ME3: variants seen among roughly 807,000 people sequenced by gnomAD.
The protein encoded by ME3 is malic enzyme 3, also known as NADP-dependent malic enzyme, mitochondrial.
A neutral mutation model predicts 68.9 loss-of-function variants in ME3; 48 were observed. The observed-to-expected ratio is 0.70, with a 90% CI of 0.55 to 0.89. The LOEUF (loss-of-function observed/expected upper bound fraction) is 0.89. Ranked by LOEUF, ME3 falls within the 40% of genes least tolerant of loss-of-function variation. The probability of loss-of-function intolerance (pLI) is 0.00; values close to 1 mark genes in which losing one functional copy is unlikely to be tolerated. For synonymous variants in ME3, 320 were observed against 318.8 expected (o/e 1.00, Z -0.04); for missense variants, 675 against 797.4 (o/e 0.85, Z 1.85).
At chr11:86,556,601 G>A (rs777411773) in exon 4 of ME3, 4 of 1,614,138 alleles carry the variant, frequency 2.5e-6, no homozygotes, top group Admixed American at 1.7e-5. Context: ...CAGCCCCACG[G>A]TAGGCGTGTA....
intron 2 of ME3, among the ~76,000 whole-genome samples, chr11:86,653,000 G>T (rs1945571166): frequency 6.6e-6 from 1 of 151,622 alleles, no homozygotes; most frequent in South Asian, 2.1e-4. Context: ...GACAAAGAAG[G>T]CCATTACATA....
intron 8 of ME3, among the ~76,000 whole-genome samples, chr11:86,459,473 C>G (rs1004931377): frequency 4.6e-5 from 7 of 152,174 alleles, no homozygotes; most frequent in Non-Finnish European, 1.0e-4. Flanking sequence ...CCTGTCCCTA[C>G]CTATACATCA....
At chr11:86,635,728 A>G (rs1033645559) in intron 2 of ME3, among the ~76,000 whole-genome samples, 5 of 152,312 alleles carry the variant, frequency 3.3e-5, no homozygotes, top group Admixed American at 1.3e-4. Context: ...CAGAGCTGTG[A>G]GGAAATAACT....
chr11:86,645,512 T>C (rs1944948012), intron 2 of ME3, among the ~76,000 whole-genome samples: 1 of 152,178 alleles, frequency 6.6e-6, no homozygotes. Context: ...TTCTCCCCTT[T>C]GGGCAGGGCA....
intron 2 of ME3, among the ~76,000 whole-genome samples, chr11:86,605,411 C>A (rs534944840): frequency 6.6e-6 from 1 of 152,018 alleles, no homozygotes; most frequent in Non-Finnish European, 1.5e-5. Context: ...AGGTATTGGT[C>A]CTGAAAAGCA....
chr11:86,500,630 CTCTT>C lies in ME3; in HGVS notation c.544-2510_544-2507del, dbSNP rs543597480. Among the ~76,000 whole-genome samples, 43 of 152,322 alleles carry C rather than the reference CTCTT, an allele frequency of 2.8e-4. 1 individual carries two copies. The East Asian group carries it at 7.9e-3, about 28-fold the overall frequency. On this transcript the variant is annotated intron_variant, in intron 5 of 14. Transcript: ENST00000543262. ...ATAGAATAGAGTCCAAAATACTTAA[CTCTT>C]TAATTATCTGAATCCAACAGACCTT...
exon 4 of ME3, chr11:86,556,633 C>T: frequency 3.7e-6 from 6 of 1,614,162 alleles, no homozygotes; most frequent in African/African-American, 1.3e-5. Flanking sequence ...TGAACTTCTC[C>T]ACGTCCGAAG....
chr11:86,547,202 C>T (rs913920434), intron 4 of ME3, among the ~76,000 whole-genome samples: 2 of 61,794 alleles, frequency 3.2e-5, no homozygotes, highest in Admixed American at 1.5e-4. Context: ...CATGCCACTG[C>T]ACACTCCAGC....
intron 4 of ME3, among the ~76,000 whole-genome samples, chr11:86,534,136 A>G (rs537484046): frequency 7.3e-4 from 111 of 151,256 alleles, no homozygotes; most frequent in Non-Finnish European, 1.3e-3. Context: ...TGTATAGGAC[A>G]CCTAAAATGA....
intron 2 of ME3, among the ~76,000 whole-genome samples, chr11:86,600,538 A>G (rs951907499): frequency 6.7e-6 from 1 of 148,830 alleles, no homozygotes; most frequent in African/African-American, 2.5e-5. Flanking sequence ...CATTAGACAG[A>G]TGAACGAGAC....
chr11:86,572,581 C>A (rs547768438), intron 2 of ME3, among the ~76,000 whole-genome samples: 1 of 152,266 alleles, frequency 6.6e-6, no homozygotes, highest in African/African-American at 2.4e-5. Context: ...TGGCTTCCAG[C>A]TTCATTCATG....
At chr11:86,591,768 C>T (rs1959073474) in intron 2 of ME3, among the ~76,000 whole-genome samples, 1 of 152,056 alleles carries the variant, frequency 6.6e-6, no homozygotes, top group African/African-American at 2.4e-5. Flanking sequence ...GGGAAACTCC[C>T]CTTTTTTAAA....
At position 86,560,748 on chromosome 11, in the gene ME3, G is replaced by GTATATATATATATATA. The variant is rs142056305; in HGVS notation, c.184-941_184-926dup. 5.3e-4 allele frequency among the ~76,000 whole-genome samples: 33 copies of GTATATATATATATATA among 62,516 alleles called. 2 individuals are homozygous for GTATATATATATATATA. Among genetic ancestry groups the GTATATATATATATATA allele is most frequent in the African/African-American group, 1.7e-3 (28 of 16,902 alleles). 41.0% of individuals were successfully genotyped at this position (62,516 alleles called of 152,430 possible). On this transcript the variant is annotated intron_variant, in intron 2 of 14. Transcript: ENST00000543262. Reference sequence around the variant, plus strand: ...TGTATGTGTGTGTGTGTGTGTGTGTGTATATATATATATATATATATATAT... The same window carrying GTATATATATATATATA: ...TGTATGTGTGTGTGTGTGTGTGTGTGTATATATATATATATATATATATATATATATATATATATAT...
chr11:86,591,454 GAACACAGAC>G (rs1959055473), intron 2 of ME3, among the ~76,000 whole-genome samples: 2 of 152,180 alleles, frequency 1.3e-5, no homozygotes, highest in African/African-American at 4.8e-5. Context: ...GAGGAGATTA[GAACACAGAC>G]AACACAGACA....
In ME3 at chr11:86,667,701, G is replaced by A. The variant is rs549855440; in HGVS notation, c.183+4061C>T. 4 of 152,262 alleles carry A rather than the reference G, an allele frequency of 2.6e-5. No homozygotes were observed. In the East Asian group the frequency reaches 7.7e-4, roughly 29 times the overall value. 9.4% of individuals were successfully genotyped at this position (152,262 alleles called of 1,614,324 possible). On this transcript the variant is annotated intron_variant, in intron 2 of 14. Transcript: ENST00000543262. ...CAGTGTGATAAGACAAATAGGAGGG[G>A]ACTCAGATCTAGTTTGGCAAGTGGG...
chr11:86,530,976 A>T (rs1442478205), intron 4 of ME3, among the ~76,000 whole-genome samples: 1 of 152,164 alleles, frequency 6.6e-6, no homozygotes, highest in Non-Finnish European at 1.5e-5. Flanking sequence ...AGCAATGGCA[A>T]CAAAAGCCAA....
At chr11:86,501,930 A>G (rs1469140431) in intron 5 of ME3, among the ~76,000 whole-genome samples, 1 of 152,132 alleles carries the variant, frequency 6.6e-6, no homozygotes, top group Non-Finnish European at 1.5e-5. Flanking sequence ...TCCCCATTCC[A>G]TTTCATTTTT....
intron 2 of ME3, among the ~76,000 whole-genome samples, chr11:86,589,959 G>A (rs1958965128): frequency 1.3e-5 from 2 of 152,106 alleles, no homozygotes; most frequent in Admixed American, 1.3e-4. Context: ...CTTTTGAGGT[G>A]AGTAGTGTTT....
intron 2 of ME3, among the ~76,000 whole-genome samples, chr11:86,565,988 C>T (rs1957462029): frequency 6.6e-6 from 1 of 152,208 alleles, no homozygotes; most frequent in South Asian, 2.1e-4. Flanking sequence ...TGAGAAGGTG[C>T]AACACATGGT....
Sources: allele counts gnomAD v4.1 joint callset (sites outside exome capture counted in the v4.1 genomes callset), GRCh38; gene constraint gnomAD v4.1.1; transcripts MANE v1.5; gene names NCBI Gene and HGNC (gene_info 2026-07-23, HGNC 2026-07-21).